Variants in ATE1 observed in about 807,000 individuals in gnomAD.
ATE1 encodes arginyltransferase 1, also known as arginyl-tRNA--protein transferase 1.
In ATE1, 36 loss-of-function variants were observed where a neutral mutation model predicts 70.5. The ratio of observed to expected loss-of-function variants is 0.51; its 90% CI spans 0.39 to 0.67. ATE1 has a LOEUF of 0.67. ATE1 is among the 30% of genes least tolerant of loss of function. ATE1 has a pLI of 0.00. For missense variants in ATE1, 593 were observed against 629.5 expected (o/e 0.94, Z 0.62); for synonymous variants, 232 against 219.3 (o/e 1.06, Z -0.51).
rs115066963 is a variant in ATE1, at chr10:121,816,945, G to C, written c.1257+19773C>G. The stretch of plus-strand genomic sequence containing the variant: ...CTAAATTATTTGCAATACCTGAAAA[G>C]AATCTGAAGAAAGTGCCAATGCAAG... On this transcript the variant is annotated intron_variant, in intron 10 of 11. Coordinates refer to ENST00000224652, the MANE Select transcript of ATE1 (RefSeq NM_001001976.3). Among the ~76,000 whole-genome samples, 683 of 152,250 alleles carry C rather than the reference G, an allele frequency of 4.5e-3. 6 individuals are homozygous for C. Among genetic ancestry groups the C allele is most frequent in the African/African-American group, 0.015 (641 of 41,548 alleles).
chr10:121,743,807 C>G lies in ATE1; in HGVS notation c.1430G>C (p.Arg477Thr), dbSNP rs774946938. 3.7e-6 allele frequency: 6 copies of G among 1,613,856 alleles called. No individual in the cohort carries two copies. The highest frequency in any genetic ancestry group is 1.3e-5 in the African/African-American group (1 of 74,944). Residue 477 changes from arginine (R) to threonine (T), a missense_variant, in exon 12 of 12, where the codon AGA (arginine) becomes ACA (threonine). Arg to Thr is a moderately conservative substitution (Grantham distance 71). Coordinates refer to ENST00000224652, the MANE Select transcript of ATE1 (RefSeq NM_001001976.3). Reference protein sequence around the residue: ...EPDRLQVFHKRAIMPYGVYKK... With the variant: ...EPDRLQVFHKTAIMPYGVYKK... ...ATAAACACCGTAAGGCATGATGGCT[C>G]TCTTGTGAAACACCTGCAATCGGTC...
chr10:121,919,486 G>C (rs1423629906), intron 3 of ATE1, among the ~76,000 whole-genome samples: 1 of 151,976 alleles, frequency 6.6e-6, no homozygotes, highest in Non-Finnish European at 1.5e-5. Context: ...GCTTGAACAC[G>C]GGAGGCAGAG....
At chr10:121,761,008 C>G (rs553231006) in intron 11 of ATE1, among the ~76,000 whole-genome samples, 1 of 152,254 alleles carries the variant, frequency 6.6e-6, no homozygotes, top group Admixed American at 6.5e-5. Context: ...GATTAATGAC[C>G]TGGAGCAGGG....
intron 9 of ATE1, among the ~76,000 whole-genome samples, chr10:121,839,661 A>G (rs1014675863): frequency 2.6e-5 from 4 of 152,184 alleles, no homozygotes; most frequent in African/African-American, 4.8e-5. Context: ...GATTAAATAC[A>G]TAAGAATAAA....
chr10:121,902,468 C>T lies in ATE1; in HGVS notation c.736G>A (p.Ala246Thr), dbSNP rs765527392. ...GHPPSLFPPKAKSNQPKSLED... is the reference protein window; with the variant it reads ...GHPPSLFPPKTKSNQPKSLED... ...AGTGATTTTGGCTGGTTGGATTTAG[C>T]CTTTGGTGGAAACAAAGATGGTGGG... Residue 246 changes from alanine (A) to threonine (T), a missense_variant, in exon 6 of 12, where the codon GCT becomes ACT. By Grantham distance (58) the Ala-to-Thr change is moderately conservative. Coordinates refer to ENST00000224652, the MANE Select transcript of ATE1 (RefSeq NM_001001976.3). 48 of 1,614,028 alleles carry T rather than the reference C, an allele frequency of 3.0e-5. No individual in the cohort carries two copies. The highest frequency in any genetic ancestry group is 4.0e-5 in the Non-Finnish European group (47 of 1,180,040).
Position 121,911,019 on chromosome 10 carries a change from T to A in ATE1, c.470A>T (p.Asn157Ile). The A allele has an allele frequency of 5.6e-6, 9 of 1,614,050 alleles. No individual in the cohort carries two copies. Among genetic ancestry groups the A allele is most frequent in the Non-Finnish European group, 7.6e-6 (9 of 1,180,004 alleles). ...TTCCTGAGGTTCTTCTTTCTTTGAA[T>A]TTTTTCCTTCACTCTCTAAACTCTC... ...IKESLESEGK[N>I]SKKEEPQELL... The change falls in exon 5 of 12, where the codon AAT becomes ATT. Residue 157 changes from asparagine to isoleucine, a missense_variant. Physicochemically the swap from Asn to Ile is moderately radical, Grantham distance 149. Coordinates refer to ENST00000224652, the MANE Select transcript of ATE1 (RefSeq NM_001001976.3).
chr10:121,762,634 T>C (rs1407748621), intron 11 of ATE1, among the ~76,000 whole-genome samples: 1 of 152,130 alleles, frequency 6.6e-6, no homozygotes, highest in Non-Finnish European at 1.5e-5. Flanking sequence ...GTGAGTGAGC[T>C]TGGTGAGTGT....
chr10:121,917,974 A>C (rs938041858), intron 3 of ATE1, among the ~76,000 whole-genome samples: 2 of 152,240 alleles, frequency 1.3e-5, no homozygotes, highest in Non-Finnish European at 2.9e-5. Context: ...CTAAGTTCTC[A>C]TTGCAACTGC....
At chr10:121,752,300 T>G (rs1415273075) in intron 11 of ATE1, among the ~76,000 whole-genome samples, 2 of 147,058 alleles carry the variant, frequency 1.4e-5, no homozygotes, top group Admixed American at 6.8e-5. Flanking sequence ...GCGCAACCTC[T>G]GCTCACTGCA....
chr10:121,852,978 G>T (rs531803812), intron 8 of ATE1, among the ~76,000 whole-genome samples: 1 of 152,172 alleles, frequency 6.6e-6, no homozygotes, highest in East Asian at 1.9e-4. Context: ...AATAAATTTA[G>T]TATTATCAAT....
At chr10:121,785,648 G>A (rs1457080105) in intron 11 of ATE1, among the ~76,000 whole-genome samples, 1 of 152,148 alleles carries the variant, frequency 6.6e-6, no homozygotes, top group Admixed American at 6.6e-5. Context: ...ATATAGATTA[G>A]AACCTCAGAG....
rs1487368551 is a variant in ATE1, at chr10:121,770,305, G to A, written c.1378+19864C>T. ...ACACCCTGTATACACACTGAGAGACGCACAGAAAAAGAGAGAACTCACAAA... is the reference window on the plus strand; with the variant it reads ...ACACCCTGTATACACACTGAGAGACACACAGAAAAAGAGAGAACTCACAAA... On this transcript the variant is annotated intron_variant, in intron 11 of 11. Transcript: ENST00000224652. 4.6e-5 allele frequency among the ~76,000 whole-genome samples: 6 copies of A among 129,374 alleles called. No individual in the cohort carries two copies. In the South Asian group the frequency reaches 1.3e-3, roughly 29 times the overall value. The allele number at this position is 129,374 out of a possible 152,430, so 84.9% of individuals were successfully genotyped here.
chr10:121,808,794 A>G (rs1003998903), intron 10 of ATE1, among the ~76,000 whole-genome samples: 2 of 152,216 alleles, frequency 1.3e-5, no homozygotes, highest in Non-Finnish European at 2.9e-5. Flanking sequence ...TTTTCATGTA[A>G]CTGTGAGTAA....
chr10:121,860,404 G>A (rs141598403), intron 8 of ATE1, among the ~76,000 whole-genome samples: 2 of 152,168 alleles, frequency 1.3e-5, no homozygotes, highest in Admixed American at 1.3e-4. Flanking sequence ...CAACACAAGA[G>A]GTAAGAGATT....
intron 10 of ATE1, among the ~76,000 whole-genome samples, chr10:121,809,414 G>A (rs1434493773): frequency 1.3e-5 from 2 of 152,060 alleles, no homozygotes; most frequent in South Asian, 2.1e-4. Context: ...TTGGGATGCA[G>A]CACAAGCACT....
chr10:121,759,445 C>T (rs759785376), intron 11 of ATE1, among the ~76,000 whole-genome samples: 54 of 152,138 alleles, frequency 3.5e-4, no homozygotes, highest in African/African-American at 5.1e-4. Context: ...TGAAGCCGGC[C>T]GGGCATGGTG....
In ATE1 at chr10:121,895,570, C is replaced by T. The variant is rs147354082; in HGVS notation, c.942+4296G>A. Among the ~76,000 whole-genome samples, 984 of 152,082 alleles carry T rather than the reference C, an allele frequency of 6.5e-3. 13 individuals are homozygous for T. Among genetic ancestry groups the T allele is most frequent in the Non-Finnish European group, 0.01 (686 of 67,994 alleles). ...CGGAGGTTGCAGTGAGCAGAGATCA[C>T]GCCATCGCACTCCAGCCTGGTTGAC... On this transcript the variant is annotated intron_variant, in intron 7 of 11. Transcript: ENST00000224652.
chr10:121,865,544 A>C (rs1248344210), intron 8 of ATE1, among the ~76,000 whole-genome samples: 1 of 152,198 alleles, frequency 6.6e-6, no homozygotes, highest in Non-Finnish European at 1.5e-5. Context: ...AAGTGGTGCC[A>C]CACAAAATGT....
chr10:121,927,617 C>T, intron 1 of ATE1: 1 of 948,618 alleles, frequency 1.1e-6, no homozygotes, highest in Non-Finnish European at 1.3e-6. Context: ...CTGGGGAGAC[C>T]ACCACGATTT....
Sources: gnomAD v4.1 joint callset for allele counts (sites outside exome capture counted in the v4.1 genomes callset) on GRCh38, gnomAD v4.1.1 for gene constraint, MANE v1.5 for transcripts, NCBI Gene and HGNC (gene_info 2026-07-23, HGNC 2026-07-21) for gene names.